Variants in SV2B observed in about 807,000 individuals in gnomAD.
The protein encoded by SV2B is solute carrier family 22 member B2.
In SV2B, 41 loss-of-function variants were observed where a neutral mutation model predicts 73.9. The observed-to-expected ratio is 0.56, with a 90% CI of 0.43 to 0.72. The LOEUF (loss-of-function observed/expected upper bound fraction) is 0.72, where lower values mean the gene tolerates loss of function less well. Ranked by LOEUF, SV2B falls within the 30% of genes least tolerant of loss-of-function variation. The probability of loss-of-function intolerance (pLI) is 0.00; values close to 1 mark genes in which losing one functional copy is unlikely to be tolerated. For synonymous variants in SV2B, 314 were observed against 314.2 expected (o/e 1.00, Z 0.01); for missense variants, 764 against 857.8 (o/e 0.89, Z 1.37).
chr15:91,254,921 A>AT (rs2047629189), intron 4 of SV2B, among the ~76,000 whole-genome samples: 1 of 152,146 alleles, frequency 6.6e-6, no homozygotes. Flanking sequence ...AGGGTCTTTG[A>AT]TTTCCCTCTG....
In SV2B at chr15:91,283,729, C is replaced by T. The variant is rs2048759059; in HGVS notation, c.1508-292C>T. ...TCGGCCTCCTCAAGTGCTGGGATTA[C>T]AGATGTGGGCCACTACACCTGGCTG... On this transcript the variant is annotated intron_variant, in intron 10 of 12. Coordinates refer to ENST00000394232, the MANE Select transcript of SV2B (RefSeq NM_001323032.3). This position sits in a 1 kb window ranked among gnomAD's most constrained non-coding sequence, Gnocchi z 4.3. Among the ~76,000 whole-genome samples the T allele has an allele frequency of 6.6e-6, 1 of 152,228 alleles. No homozygotes were observed. The highest frequency in any genetic ancestry group is 1.5e-5 in the Non-Finnish European group (1 of 68,040).
chr15:91,206,071 T>C (rs1380493513), intron 1 of SV2B, among the ~76,000 whole-genome samples: 2 of 152,176 alleles, frequency 1.3e-5, no homozygotes, highest in African/African-American at 4.8e-5. Flanking sequence ...AGGGTCTTCC[T>C]CTGTTGCCCT....
upstream of SV2B, chr15:91,099,962 C>T (rs1056397535): frequency 2.0e-5 from 3 of 152,432 alleles, no homozygotes; most frequent in Admixed American, 2.0e-4. Flanking sequence ...ATTTATTGGT[C>T]TGCAAATCCG....
chr15:91,172,391 G>A (rs1433678968), intron 1 of SV2B, among the ~76,000 whole-genome samples: 1 of 152,172 alleles, frequency 6.6e-6, no homozygotes, highest in Admixed American at 6.5e-5. Flanking sequence ...TGCTAGGCAC[G>A]GGGCCTACTG....
chr15:91,179,069 T>A (rs1231740190), intron 1 of SV2B, among the ~76,000 whole-genome samples: 2 of 151,992 alleles, frequency 1.3e-5, no homozygotes, highest in South Asian at 4.2e-4. Flanking sequence ...TTTGAATGTG[T>A]CCCAGAGATT....
Position 91,106,274 on chromosome 15 carries a change from T to A in SV2B, c.-392+5911T>A, listed in dbSNP as rs531520741. The stretch of plus-strand genomic sequence containing the variant: ...TTAAGTAGTTCATTGCATATGAGAG[T>A]CTAGAGTTCAGGGAAGAGTTTCAGG... On this transcript the variant is annotated intron_variant, in intron 1 of 12. Coordinates refer to ENST00000394232, the MANE Select transcript of SV2B (RefSeq NM_001323032.3). This position sits in a 1 kb window ranked among gnomAD's most constrained non-coding sequence, Gnocchi z 4.4. Among the ~76,000 whole-genome samples, 123 of 152,008 alleles carry A rather than the reference T, an allele frequency of 8.1e-4. No individual in the cohort carries two copies. The highest frequency in any genetic ancestry group is 1.5e-3 in the Non-Finnish European group (101 of 67,998).
At chr15:91,162,913 C>A (rs113252802) in intron 1 of SV2B, among the ~76,000 whole-genome samples, 11,829 of 141,946 alleles carry the variant, frequency 0.083, 581 homozygotes, top group Non-Finnish European at 0.093. Context: ...AATGCTATCC[C>A]TCCCCCAACC....
intron 1 of SV2B, among the ~76,000 whole-genome samples, chr15:91,109,680 G>A (rs1369481878): frequency 3.9e-5 from 6 of 152,118 alleles, no homozygotes; most frequent in African/African-American, 1.2e-4. Flanking sequence ...TTCAGAGCTC[G>A]AAGGGACCCT....
rs1309371496 is a variant in SV2B at position 91,115,124 on chromosome 15, A to T, written c.-392+14761A>T. Among the ~76,000 whole-genome samples, 1 of 152,218 alleles carries T rather than the reference A, an allele frequency of 6.6e-6. No homozygotes were observed. Among genetic ancestry groups the T allele is most frequent in the African/African-American group, 2.4e-5 (1 of 41,452 alleles). ...GGGGACATAGGTCCTGAGCAGGCAA[A>T]GCCAACAGGTGTCCACTACACACGC... is the stretch of plus-strand genomic sequence containing the variant. On this transcript the variant is annotated intron_variant, in intron 1 of 12. Coordinates refer to ENST00000394232, the MANE Select transcript of SV2B (RefSeq NM_001323032.3). The surrounding 1 kb of genome is among the most constrained non-coding windows in gnomAD (Gnocchi z 4.3).
chr15:91,191,920 A>G (rs903458227), intron 1 of SV2B, among the ~76,000 whole-genome samples: 2 of 152,104 alleles, frequency 1.3e-5, no homozygotes, highest in East Asian at 1.9e-4. Flanking sequence ...CTGTCTTCCT[A>G]TTTTCCACTG....
chr15:91,263,295 C>G (rs1041602415), intron 6 of SV2B, among the ~76,000 whole-genome samples: 1 of 151,690 alleles, frequency 6.6e-6, no homozygotes, highest in African/African-American at 2.4e-5. Context: ...AACACAGACA[C>G]ACAGACACAG....
chr15:91,143,631 T>A (rs1249393219), intron 1 of SV2B, among the ~76,000 whole-genome samples: 1 of 152,252 alleles, frequency 6.6e-6, no homozygotes, highest in African/African-American at 2.4e-5. Flanking sequence ...AAACGCAGCA[T>A]TCTTACGTGT....
rs185375847 is a variant in SV2B at position 91,190,243 on chromosome 15, C to T, written c.-391-35630C>T. ...TTATGTTCATCTTTTATCTATCTAC[C>T]TTGGATTATTACATCTATATGAATG... is the stretch of plus-strand genomic sequence containing the variant. On this transcript the variant is annotated intron_variant, in intron 1 of 12. Transcript: ENST00000394232. 3.9e-5 allele frequency among the ~76,000 whole-genome samples: 6 copies of T among 152,062 alleles called. No homozygotes were observed. In the East Asian group the frequency reaches 7.7e-4, roughly 20 times the overall value.
chr15:91,212,869 G>A (rs1044694663), intron 1 of SV2B, among the ~76,000 whole-genome samples: 4 of 151,872 alleles, frequency 2.6e-5, no homozygotes, highest in South Asian at 2.1e-4. Context: ...AGCTGAGCAC[G>A]GTGGCTCATG....
At chr15:91,194,959 G>C (rs73505197) in intron 1 of SV2B, among the ~76,000 whole-genome samples, 1 of 151,910 alleles carries the variant, frequency 6.6e-6, no homozygotes, top group African/African-American at 2.4e-5. Flanking sequence ...ATGATGACTG[G>C]CAATATTCAG....
chr15:91,155,150 G>A (rs1184363592), intron 1 of SV2B, among the ~76,000 whole-genome samples: 2 of 152,116 alleles, frequency 1.3e-5, no homozygotes, highest in Non-Finnish European at 2.9e-5. Flanking sequence ...CACTATCCAA[G>A]AGAAGCCATA....
intron 1 of SV2B, among the ~76,000 whole-genome samples, chr15:91,155,839 G>A (rs932081461): frequency 2.0e-5 from 3 of 152,006 alleles, no homozygotes; most frequent in Non-Finnish European, 2.9e-5. Flanking sequence ...GTTCCAGACC[G>A]TTAAGGTAGA....
Position 91,252,505 on chromosome 15 carries a change from A to C in SV2B, c.769A>C (p.Ile257Leu), listed in dbSNP as rs1359668406. Residue 257 changes from isoleucine to leucine, a missense_variant, in exon 4 of 13, where the codon ATC (isoleucine) becomes CTC (leucine). By Grantham distance (5) the Ile-to-Leu change is conservative. Coordinates refer to ENST00000394232, the MANE Select transcript of SV2B (RefSeq NM_001323032.3). This position sits in a 1 kb window ranked among gnomAD's most constrained non-coding sequence, Gnocchi z 4.6. The part of the protein sequence containing the change: ...GLYASAMAWS[I>L]IPHYGWGFSM... ...GTACGCATCTGCCATGGCCTGGAGC[A>C]TCATCCCACACTATGGTGAGTCATG... The C allele has an allele frequency of 8.1e-6, 13 of 1,610,852 alleles. No homozygotes were observed. Among genetic ancestry groups the C allele is most frequent in the Non-Finnish European group, 1.1e-5 (13 of 1,178,414 alleles).
chr15:91,143,433 G>A (rs535477269), intron 1 of SV2B, among the ~76,000 whole-genome samples: 4 of 151,898 alleles, frequency 2.6e-5, no homozygotes, highest in East Asian at 1.9e-4. Context: ...CGCTTGCGGC[G>A]GCAGCATTTA....
Sources: allele counts gnomAD v4.1 joint callset (sites outside exome capture counted in the v4.1 genomes callset), GRCh38; gene constraint gnomAD v4.1.1; non-coding constraint Gnocchi (gnomAD v3.1); transcripts MANE v1.5; gene names NCBI Gene and HGNC (gene_info 2026-07-23, HGNC 2026-07-21).